Variants in ACACB observed in about 807,000 individuals in gnomAD.
ACACB encodes acetyl-CoA carboxylase beta.
In ACACB, 209 loss-of-function variants were observed where a neutral mutation model predicts 278.8. The observed-to-expected ratio is 0.75, with a 90% confidence interval of 0.67 to 0.84. The LOEUF is 0.84. ACACB is among the 40% of genes least tolerant of loss of function. The pLI is 0.00. For missense variants in ACACB, 2,850 were observed against 3,269.0 expected (o/e 0.87, Z 3.13); for synonymous variants, 1,174 against 1,285.6 (o/e 0.91, Z 1.86).
rs202035669 is a variant in ACACB at position 109,176,235 on chromosome 12, C to T, written c.1409C>T (p.Ala470Val). Residue 470 changes from alanine (A) to valine (V), a missense_variant, in exon 9 of 53, where the codon GCG becomes GTG. Ala to Val is a moderately conservative substitution (Grantham distance 64). Transcript: ENST00000338432. ...AAGGGAATCCGGAAGGCTGAGAGTG[C>T]GGAGGACTTCCCGATCCTTTTCAGA... ...GGKGIRKAES[A>V]EDFPILFRQV... The T allele has an allele frequency of 9.3e-6, 15 of 1,614,000 alleles. No homozygotes were observed. In the African/African-American group the frequency reaches 9.3e-5, roughly 10 times the overall value.
rs765106931 is a variant in ACACB at position 109,171,842 on chromosome 12, A to G, written c.963A>G (p.Pro321=). 2.5e-6 allele frequency: 4 copies of G among 1,613,946 alleles called. No homozygotes were observed. Among genetic ancestry groups the G allele is most frequent in the South Asian group, 1.1e-5 (1 of 91,074 alleles). ...IKMADHYVPV[P]GGPNNNNYAN... The stretch of plus-strand genomic sequence containing the variant: ...TGGCGGATCATTACGTCCCCGTCCC[A>G]GGAGGGCCCAATAACAACAACTATG... Residue 321 remains proline (P), a synonymous_variant, in exon 5 of 53, where the codon CCA becomes CCG. Transcript: ENST00000338432.
upstream of ACACB, chr12:109,113,001 T>C (rs901624247): frequency 6.6e-6 from 1 of 152,182 alleles, no homozygotes; most frequent in Non-Finnish European, 1.5e-5. Context: ...CTTTATTATT[T>C]ATGGACACTG....
At chr12:109,143,243 C>T (rs1370886202) in intron 2 of ACACB, among the ~76,000 whole-genome samples, 1 of 151,944 alleles carries the variant, frequency 6.6e-6, no homozygotes, top group Non-Finnish European at 1.5e-5. Flanking sequence ...GGGTGGATTG[C>T]TTGAGCTCAG....
chr12:109,122,572 CA>C (rs59516728), intron 1 of ACACB, among the ~76,000 whole-genome samples: 14,376 of 61,254 alleles, frequency 0.23, 334 homozygotes, highest in East Asian at 0.34. Context: ...GACATTGTCT[CA>C]AAAAAAAAAA....
chr12:109,220,609 T>C (rs1337235563), intron 24 of ACACB, among the ~76,000 whole-genome samples: 1 of 152,184 alleles, frequency 6.6e-6, no homozygotes, highest in Non-Finnish European at 1.5e-5. Flanking sequence ...TGGAGTGCAG[T>C]GGCGCAATCT....
chr12:109,177,831 T>G lies in ACACB; in HGVS notation c.1438-1257T>G, dbSNP rs923187305. On this transcript the variant is annotated intron_variant, in intron 9 of 52. Transcript: ENST00000338432. ...TAGGGGTCATACAGATTTTAAAGCT[T>G]TTTTGCTTTTTAAAAAATAGACTTT... Among the ~76,000 whole-genome samples the G allele has an allele frequency of 2.6e-5, 4 of 152,176 alleles. 1 individual carries two copies. The South Asian group carries it at 8.3e-4, about 31-fold the overall frequency.
Position 109,246,419 on chromosome 12 carries a change from G to A in ACACB, c.5542G>A (p.Ala1848Thr). 1.2e-6 allele frequency: 2 copies of A among 1,613,276 alleles called. No homozygotes were observed. Among genetic ancestry groups the A allele is most frequent in the South Asian group, 1.1e-5 (1 of 91,040 alleles). ...GGAGATCAAACACATGTTCCACGTG[G>A]CTTGGGTGGACCCAGAAGACCCCCA... ...AEEIKHMFHV[A>T]WVDPEDPHKG... The change falls in exon 39 of 53, where the codon GCT (alanine) becomes ACT (threonine). Residue 1848 changes from alanine to threonine, a missense_variant. Transcript: ENST00000338432.
intron 44 of ACACB, 25 bp downstream of exon 44, chr12:109,254,359 G>A: frequency 6.3e-7 from 1 of 1,596,516 alleles, no homozygotes; most frequent in African/African-American, 1.4e-5. Context: ...ATTTTGCCTA[G>A]GACCTGGTCT....
chr12:109,191,568 G>A (rs778164887), intron 13 of ACACB, 45 bp from the exon 14 acceptor site: 3 of 1,609,384 alleles, frequency 1.9e-6, no homozygotes, highest in Admixed American at 1.7e-5. Context: ...CTCTGTTGAT[G>A]TATGCATGAA....
rs1171594202 is a variant in ACACB, at chr12:109,167,003, G to T, written c.786+10G>T. ...TCGGGTCATCGAGAAGGTACAGATG[G>T]GTCTCGGCACTCTGGGTGGGGTCCG... is the stretch of plus-strand genomic sequence containing the variant. On this transcript the variant is annotated intron_variant, in intron 3 of 52. Transcript: ENST00000338432. The T allele has an allele frequency of 5.6e-6, 9 of 1,613,874 alleles. No homozygotes were observed. The East Asian group carries it at 2.0e-4, about 36-fold the overall frequency.
rs145892131 is a variant in ACACB, at chr12:109,118,524, C to T, written c.-10+1820C>T. On this transcript the variant is annotated intron_variant, in intron 1 of 52. Coordinates refer to ENST00000338432, the MANE Select transcript of ACACB (RefSeq NM_001093.4). ...TGCCTCCCAGGTTCAAGCAATTCCT[C>T]AGTCTCAGTCTCCCGAGTAGCTGGG... is the stretch of plus-strand genomic sequence containing the variant. Among the ~76,000 whole-genome samples the T allele has an allele frequency of 2.2e-4, 34 of 151,768 alleles. No individual in the cohort carries two copies. The East Asian group carries it at 6.6e-3, about 30-fold the overall frequency.
At chr12:109,139,295 G>C in intron 1 of ACACB, 102 bp from the exon 2 acceptor site, 3 of 1,099,314 alleles carry the variant, frequency 2.7e-6, no homozygotes, top group Non-Finnish European at 3.9e-6. Context: ...AGTATTTCAG[G>C]AATACACAGC....
chr12:109,253,249 G>C (rs2047143888), intron 43 of ACACB, 91 bp downstream of exon 43: 25 of 1,353,660 alleles, frequency 1.8e-5, no homozygotes, highest in Non-Finnish European at 2.5e-5. Context: ...GGTGGTGTGG[G>C]AGGCTGAGGA....
intron 1 of ACACB, among the ~76,000 whole-genome samples, chr12:109,121,085 G>T (rs1010401895): frequency 1.3e-5 from 2 of 152,102 alleles, no homozygotes; most frequent in Non-Finnish European, 2.9e-5. Context: ...GACCACAGGT[G>T]CATATCACCA....
chr12:109,264,040 G>T, intron 49 of ACACB, 192 bp from the exon 50 acceptor site: 1 of 650,614 alleles, frequency 1.5e-6, no homozygotes, highest in East Asian at 2.7e-5. Context: ...GTGGACTCTG[G>T]GGGACCTAGG....
intron 2 of ACACB, among the ~76,000 whole-genome samples, chr12:109,141,107 T>C (rs1421762329): frequency 1.3e-5 from 2 of 151,946 alleles, no homozygotes; most frequent in Non-Finnish European, 2.9e-5. Flanking sequence ...CTCACCATAT[T>C]GCCCAGGCTG....
chr12:109,258,907 A>G, intron 46 of ACACB, 66 bp from the exon 47 acceptor site: 2 of 1,584,874 alleles, frequency 1.3e-6, no homozygotes, highest in Non-Finnish European at 1.7e-6. Context: ...AGGTTCTGGC[A>G]GCCGTCCCTC....
chr12:109,197,201 C>G, intron 17 of ACACB, 48 bp downstream of exon 17: 1 of 1,564,616 alleles, frequency 6.4e-7, no homozygotes, highest in South Asian at 1.2e-5. Context: ...GCACAGCTCT[C>G]TGTCCTAGGC....
At chr12:109,188,429 C>CCTCCCTTCCTTCCTCCCTTCCTTT (rs2044749610) in intron 13 of ACACB, among the ~76,000 whole-genome samples, 1 of 133,304 alleles carries the variant, frequency 7.5e-6, no homozygotes, top group Non-Finnish European at 1.6e-5. Flanking sequence ...TCCCGTCCTT[C>CCTCCCTTCCTTCCTCCCTTCCTTT]CTCCTCCCCT....
Sources: gnomAD v4.1 joint callset for allele counts (sites outside exome capture counted in the v4.1 genomes callset) on GRCh38, gnomAD v4.1.1 for gene constraint, MANE v1.5 for transcripts, NCBI Gene and HGNC (gene_info 2026-07-23, HGNC 2026-07-21) for gene names.